The following PRKDC variants were observed in gnomAD, a reference collection of about 807,000 sequenced individuals.
PRKDC encodes DNA-dependent protein kinase catalytic subunit.
Under a neutral mutation model 486.9 loss-of-function variants are expected in PRKDC, and 82 were observed. The ratio of observed to expected loss-of-function variants is 0.17; its 90% CI spans 0.14 to 0.20. The LOEUF is 0.20. Among genes scored for constraint, PRKDC ranks in the 10% least tolerant of loss-of-function variants. PRKDC has a pLI of 1.00. For missense variants in PRKDC, 4,504 were observed against 5,038.2 expected, an observed-to-expected ratio of 0.89 and a Z score of 3.21; for synonymous variants, 1,895 against 1,837.0, an observed-to-expected ratio of 1.03 and a Z score of -0.81.
At chr8:47,858,786 G>C in intron 47 of PRKDC, 63 bp downstream of exon 47, 2 of 1,542,388 alleles carry the variant, frequency 1.3e-6, no homozygotes, top group Non-Finnish European at 8.7e-7. Flanking sequence ...AATATTAAAT[G>C]TTCATTCTCA....
intron 73 of PRKDC, among the ~76,000 whole-genome samples, chr8:47,797,778 C>G (rs149349303): frequency 9.0e-4 from 137 of 152,322 alleles, no homozygotes; most frequent in African/African-American, 3.2e-3. Flanking sequence ...CATACGCTGA[C>G]CCCTCACTCA....
At chr8:47,783,636 T>A in intron 78 of PRKDC, 106 bp downstream of exon 78, 2 of 1,071,178 alleles carry the variant, frequency 1.9e-6, no homozygotes, top group East Asian at 4.9e-5. Flanking sequence ...TTGATATATC[T>A]GTGATCAACA....
At chr8:47,905,542 C>T (rs988614013) in intron 25 of PRKDC, among the ~76,000 whole-genome samples, 1 of 151,994 alleles carries the variant, frequency 6.6e-6, no homozygotes, top group African/African-American at 2.4e-5. Context: ...TTGTACAAAG[C>T]AAATAACAAC....
chr8:47,939,682 C>A lies in PRKDC; in HGVS notation c.982G>T (p.Ala328Ser), dbSNP rs777111066. The A allele has an allele frequency of 6.2e-7, 1 of 1,601,886 alleles. No individual in the cohort carries two copies. Among genetic ancestry groups the A allele is most frequent in the African/African-American group, 1.3e-5 (1 of 74,598 alleles). Residue 328 changes from alanine to serine, a missense_variant, in exon 11 of 86, where the codon GCG becomes TCG. This residue lies in a region of PRKDC where 1,969 missense variants were observed against 2,068.9 expected (regional missense o/e 0.95). Coordinates refer to ENST00000314191, the MANE Select transcript of PRKDC (RefSeq NM_006904.7). ...TTTTTATGCATTTCTGCATTTTTCG[C>A]CACCATATTAGAAACCTGCAAATAC... is the stretch of plus-strand genomic sequence containing the variant. ...SFLKQVSNMV[A>S]KNAEMHKNKL...
At chr8:47,955,214 G>C (rs1589819004) in intron 4 of PRKDC, among the ~76,000 whole-genome samples, 1 of 151,518 alleles carries the variant, frequency 6.6e-6, no homozygotes, top group East Asian at 1.9e-4. Context: ...TGTAATCCCA[G>C]CACTTTGGGA....
chr8:47,779,981 C>G (rs2086671787), intron 80 of PRKDC, among the ~76,000 whole-genome samples: 1 of 140,486 alleles, frequency 7.1e-6, no homozygotes, highest in African/African-American at 2.6e-5. Flanking sequence ...TTGGTGCAAT[C>G]TCGGCTTGCT....
chr8:47,852,818 A>G (rs2088441197), intron 51 of PRKDC, 34 bp from the exon 52 acceptor site: 7 of 1,309,098 alleles, frequency 5.3e-6, no homozygotes, highest in Admixed American at 2.1e-5. Flanking sequence ...TATGCATCAA[A>G]TAAACCATTC....
Position 47,915,380 on chromosome 8 carries a change from T to G in PRKDC, c.2565A>C (p.Val855=), listed in dbSNP as rs2089968595. Residue 855 remains valine (V), a synonymous_variant, in exon 23 of 86, where the codon GTA becomes GTC. Transcript: ENST00000314191. ...CTCCTAGAGATCCAAGCATTTGTACTACTCTAATTCTTATTTCTTCTAAGG... is the reference window on the plus strand; with the variant it reads ...CTCCTAGAGATCCAAGCATTTGTACGACTCTAATTCTTATTTCTTCTAAGG... ...AISLEEIRIR[V]VQMLGSLGGQ... is the part of the protein sequence containing the mutation. 1.3e-6 allele frequency: 2 copies of G among 1,569,568 alleles called. No homozygotes were observed. Among genetic ancestry groups the G allele is most frequent in the South Asian group, 1.2e-5 (1 of 85,202 alleles).
chr8:47,863,378 C>A, intron 42 of PRKDC, 21 bp downstream of exon 42: 1 of 1,557,844 alleles, frequency 6.4e-7, no homozygotes, highest in Non-Finnish European at 8.8e-7. Context: ...AAATAGAATC[C>A]AAAATTAAGT....
chr8:47,880,456 G>A (rs1006966184), intron 38 of PRKDC, among the ~76,000 whole-genome samples: 1 of 152,160 alleles, frequency 6.6e-6, no homozygotes, highest in Non-Finnish European at 1.5e-5. Context: ...TGGGAAACTT[G>A]ATTAATCACA....
At position 47,954,349 on chromosome 8, in the gene PRKDC, A is replaced by ATT; in HGVS notation, c.495_496dup (p.Ile166LysfsTer7). On this transcript the variant is annotated frameshift_variant, in exon 5 of 86. Coordinates refer to ENST00000314191, the MANE Select transcript of PRKDC (RefSeq NM_006904.7). LOFTEE classifies it high-confidence loss of function. The stretch of plus-strand genomic sequence containing the variant: ...TAAATGCATCTCACCTGTATCTGGT[A>ATT]TTTTTTTTTTCAATGCAAGTTCTCC... 2.0e-5 allele frequency: 24 copies of ATT among 1,176,886 alleles called. No individual in the cohort carries two copies. Among genetic ancestry groups the ATT allele is most frequent in the South Asian group, 1.2e-4 (7 of 56,234 alleles). The allele number at this position is 1,176,886 out of a possible 1,614,324, so 72.9% of individuals were successfully genotyped here. A position where few individuals can be genotyped will look rare whatever the true frequency, so the allele number is the denominator to read the frequency against.
chr8:47,927,071 T>C (rs2090168228), intron 21 of PRKDC, 123 bp downstream of exon 21: 1 of 893,564 alleles, frequency 1.1e-6, no homozygotes, highest in Non-Finnish European at 1.6e-6. Flanking sequence ...AAAATAGCAA[T>C]CAAACATATT....
In PRKDC at chr8:47,849,212, T is replaced by C. The variant is rs779043463; in HGVS notation, c.7222A>G (p.Met2408Val). 6.2e-7 allele frequency: 1 copy of C among 1,614,024 alleles called. No homozygotes were observed. ...TTTAACTGGAAGTACAGCTCTGTCA[T>C]TCCCTCCACACGACAAAGTACCACC... ...LEVVLCRVEGMTELYFQLKSK... is the reference protein window; with the variant it reads ...LEVVLCRVEGVTELYFQLKSK... Residue 2408 changes from methionine (M) to valine (V), a missense_variant, in exon 54 of 86, where the codon ATG (methionine) becomes GTG (valine). Physicochemically the swap from Met to Val is conservative, Grantham distance 21 (BLOSUM62 1). Around this residue, in one of 6 missense-constraint regions of PRKDC, gnomAD observed 1,592 missense variants for 1,724.6 expected, o/e 0.92. Transcript: ENST00000314191.
Position 47,929,941 on chromosome 8 carries a change from A to C in PRKDC, c.1964T>G (p.Leu655Trp), listed in dbSNP as rs755624470. The change falls in exon 18 of 86, where the codon TTG (leucine) becomes TGG (tryptophan). Residue 655 changes from leucine (L) to tryptophan (W), a missense_variant. Coordinates refer to ENST00000314191, the MANE Select transcript of PRKDC (RefSeq NM_006904.7). ...WVYSFSYELI[L>W]QSTRLPLISG... ...GATGAGGGGCAACCTTGTAGATTGCAAAATTAATTCATATGAAAATGAGTA... is the reference window on the plus strand; with the variant it reads ...GATGAGGGGCAACCTTGTAGATTGCCAAATTAATTCATATGAAAATGAGTA... 3.0e-5 allele frequency: 49 copies of C among 1,611,112 alleles called. 1 individual carries two copies. The South Asian group carries it at 5.2e-4, about 17-fold the overall frequency.
At chr8:47,808,026 A>C (rs2087251663) in intron 68 of PRKDC, among the ~76,000 whole-genome samples, 1 of 152,096 alleles carries the variant, frequency 6.6e-6, no homozygotes, top group African/African-American at 2.4e-5. Flanking sequence ...GTCTGGCCTA[A>C]ATTTTATCTT....
chr8:47,833,676 C>A (rs924796366), intron 59 of PRKDC, among the ~76,000 whole-genome samples: 1 of 152,152 alleles, frequency 6.6e-6, no homozygotes, highest in African/African-American at 2.4e-5. Context: ...CCTCACAGCA[C>A]CCTTTGCCGT....
At chr8:47,919,161 TC>T (rs1002761499) in intron 21 of PRKDC, among the ~76,000 whole-genome samples, 3 of 152,092 alleles carry the variant, frequency 2.0e-5, no homozygotes, top group African/African-American at 7.2e-5. Context: ...TCAGCACCAC[TC>T]CGAGTTCAGC....
At chr8:47,793,358 G>A (rs1000586681) in intron 74 of PRKDC, among the ~76,000 whole-genome samples, 2 of 152,208 alleles carry the variant, frequency 1.3e-5, no homozygotes, top group African/African-American at 4.8e-5. Context: ...AGCTGGGCAT[G>A]GTGGCTCACG....
At chr8:47,783,600 A>AT in intron 78 of PRKDC, 142 bp downstream of exon 78, 1 of 816,356 alleles carries the variant, frequency 1.2e-6, no homozygotes, top group Non-Finnish European at 1.9e-6. Context: ...AAAAAAAAAA[A>AT]GAGGAATTCA....
Sources: allele counts gnomAD v4.1 joint callset (sites outside exome capture counted in the v4.1 genomes callset), GRCh38; gene constraint gnomAD v4.1.1; regional missense constraint gnomAD v4.1.1; transcripts MANE v1.5; gene names NCBI Gene and HGNC (gene_info 2026-07-23, HGNC 2026-07-21).